Variants in RBM14 observed in about 807,000 individuals in gnomAD.
The protein encoded by RBM14 is RNA-binding protein 14.
In RBM14, 5 loss-of-function variants were observed where a neutral mutation model predicts 52.8. That is an observed-to-expected ratio of 0.09 (90% CI 0.05 to 0.20). The LOEUF (loss-of-function observed/expected upper bound fraction) is 0.20, where lower values mean the gene tolerates loss of function less well. Ranked by LOEUF, RBM14 falls within the 10% of genes least tolerant of loss-of-function variation. RBM14 has a pLI of 1.00. For missense variants in RBM14, 780 were observed against 926.6 expected, an observed-to-expected ratio of 0.84 and a Z score of 2.05; for synonymous variants, 411 against 401.8, an observed-to-expected ratio of 1.02 and a Z score of -0.28.
Position 66,628,493 on chromosome 11 carries a change from G to A in RBM14, c.*1825G>A, listed in dbSNP as rs977631562. ...TGCAAAAGCATTCGATCTTATGACC[G>A]TGAGTTCTTATTTGTGGATGCTAAC... On this transcript the variant is annotated 3_prime_UTR_variant, in exon 3 of 3. Coordinates refer to ENST00000310137, the MANE Select transcript of RBM14 (RefSeq NM_006328.4). Among the ~76,000 whole-genome samples the A allele has an allele frequency of 8.8e-5, 12 of 136,320 alleles. No individual in the cohort carries two copies. The highest frequency in any genetic ancestry group is 2.7e-4 in the South Asian group (1 of 3,640). 89.4% of individuals were successfully genotyped at this position (136,320 alleles called of 152,430 possible).
At position 66,616,694 on chromosome 11, in the gene RBM14, C is replaced by T. The variant is rs776738314; in HGVS notation, c.-27C>T. 2.5e-6 allele frequency: 4 copies of T among 1,574,316 alleles called. No homozygotes were observed. Among genetic ancestry groups the T allele is most frequent in the Non-Finnish European group, 2.6e-6 (3 of 1,154,382 alleles). On this transcript the variant is annotated 5_prime_UTR_variant, in exon 1 of 3. Coordinates refer to ENST00000310137, the MANE Select transcript of RBM14 (RefSeq NM_006328.4). ...TGTCGCTGGAGGAGAGGTCCGGGCT[C>T]TCCAGGAAGGTGGCTGCGGCGACAA...
chr11:66,624,910 C>T lies in RBM14; in HGVS notation c.1034C>T (p.Pro345Leu), dbSNP rs776636551. The part of the protein sequence containing the change: ...GSSLASYGNQ[P>L]SSYGAQAASS... ...TCCCTTGCCTCCTATGGTAACCAGC[C>T]ATCCTCTTACGGCGCCCAGGCTGCC... The change falls in exon 2 of 3, where the codon CCA (proline) becomes CTA (leucine). Residue 345 changes from proline (P) to leucine (L), a missense_variant. Pro to Leu is a moderately conservative substitution (Grantham distance 98, BLOSUM62 -3). Coordinates refer to ENST00000310137, the MANE Select transcript of RBM14 (RefSeq NM_006328.4). The surrounding 1 kb of genome is among the most constrained non-coding windows in gnomAD (Gnocchi z 4.7). The T allele has an allele frequency of 5.0e-6, 8 of 1,613,954 alleles. No homozygotes were observed. The East Asian group carries it at 1.8e-4, about 36-fold the overall frequency.
In RBM14 at chr11:66,624,658, A is replaced by G. The variant is rs770438746; in HGVS notation, c.782A>G (p.Tyr261Cys). Residue 261 changes from tyrosine (Y) to cysteine (C), a missense_variant, in exon 2 of 3, where the codon TAT (tyrosine) becomes TGT (cysteine). This residue lies in a region of RBM14 where 675 missense variants were observed against 697.3 expected (regional missense o/e 0.97). Coordinates refer to ENST00000310137, the MANE Select transcript of RBM14 (RefSeq NM_006328.4). The surrounding 1 kb of genome is among the most constrained non-coding windows in gnomAD (Gnocchi z 4.7). ...AQPSASLGVG[Y>C]RTQPMTAQAA... is the part of the protein sequence containing the mutation. ...CCTTCTGCCTCTTTGGGTGTTGGCT[A>G]TCGGACTCAGCCCATGACAGCCCAG... 2.1e-5 allele frequency: 34 copies of G among 1,613,344 alleles called. No individual in the cohort carries two copies. Among genetic ancestry groups the G allele is most frequent in the Middle Eastern group, 1.6e-4 (1 of 6,084 alleles).
Position 66,624,434 on chromosome 11 carries a change from C to G in RBM14, c.558C>G (p.Asp186Glu). ...CTGGTGGCTTCTCTGCCACCTTCGACTACCAGCAGGCTTTTGGCAACAGCA... is the reference window on the plus strand; with the variant it reads ...CTGGTGGCTTCTCTGCCACCTTCGAGTACCAGCAGGCTTTTGGCAACAGCA... The part of the protein sequence containing the change: ...PGTGGFSATF[D>E]YQQAFGNSTG... Residue 186 changes from aspartate (D) to glutamate (E), a missense_variant, in exon 2 of 3, where the codon GAC becomes GAG. By Grantham distance (45) the Asp-to-Glu change is conservative (BLOSUM62 2). Coordinates refer to ENST00000310137, the MANE Select transcript of RBM14 (RefSeq NM_006328.4). The surrounding 1 kb of genome is among the most constrained non-coding windows in gnomAD (Gnocchi z 4.7). 1 of 1,614,164 alleles carries G rather than the reference C, an allele frequency of 6.2e-7. No homozygotes were observed. Among genetic ancestry groups the G allele is most frequent in the Non-Finnish European group, 8.5e-7 (1 of 1,179,988 alleles).
intron 1 of RBM14, chr11:66,623,893 A>G (rs1214240646): frequency 1.4e-6 from 1 of 717,700 alleles, no homozygotes; most frequent in Admixed American, 2.0e-5. Flanking sequence ...GCTGGTTTGT[A>G]CTTACAGGAG....
rs1196260074 is a variant in RBM14 at position 66,624,842 on chromosome 11, A to G, written c.966A>G (p.Ala322=). The G allele has an allele frequency of 6.2e-7, 1 of 1,613,412 alleles. No individual in the cohort carries two copies. Among genetic ancestry groups the G allele is most frequent in the Non-Finnish European group, 8.5e-7 (1 of 1,179,850 alleles). Residue 322 remains alanine, a synonymous_variant, in exon 2 of 3, where the codon GCA becomes GCG. Transcript: ENST00000310137. The surrounding 1 kb of genome is among the most constrained non-coding windows in gnomAD (Gnocchi z 4.7). ...ASALSSYGGQ[A]AAASSLNSYG... ...CCCTTTCCTCCTATGGGGGTCAGGC[A>G]GCTGCAGCTTCTTCGCTCAACTCCT... is the stretch of plus-strand genomic sequence containing the variant.
rs763153126 is a variant in RBM14, at chr11:66,625,499, C to T, written c.1623C>T (p.Arg541=). The T allele has an allele frequency of 1.2e-5, 19 of 1,612,630 alleles. No individual in the cohort carries two copies. The highest frequency in any genetic ancestry group is 4.5e-5 in the East Asian group (2 of 44,852). The change falls in exon 2 of 3, where the codon CGC becomes CGT. Residue 541 remains arginine (R), a synonymous_variant. Coordinates refer to ENST00000310137, the MANE Select transcript of RBM14 (RefSeq NM_006328.4). The surrounding 1 kb of genome is among the most constrained non-coding windows in gnomAD (Gnocchi z 4.2). Reference sequence around the variant, plus strand: ...ATCCCCAGGCTGCTGCCTCCTACCGCGGCCAGCCAGGCAATGCCTACGATG... The same window carrying T: ...ATCCCCAGGCTGCTGCCTCCTACCGTGGCCAGCCAGGCAATGCCTACGATG... ...QQHPQAAASY[R]GQPGNAYDGA...
chr11:66,618,593 AAG>A (rs1372517613), intron 1 of RBM14: 148 of 717,162 alleles, frequency 2.1e-4, no homozygotes, highest in Non-Finnish European at 2.3e-5. Context: ...TTTAGAGTAA[AAG>A]AGTGGTGGGG....
rs1312163420 is a variant in RBM14, at chr11:66,624,445, C to G, written c.569C>G (p.Ala190Gly). 1 of 1,613,994 alleles carries G rather than the reference C, an allele frequency of 6.2e-7. No individual in the cohort carries two copies. The highest frequency in any genetic ancestry group is 1.7e-5 in the Admixed American group (1 of 60,004). ...GFSATFDYQQ[A>G]FGNSTGGFDG... ...TCTGCCACCTTCGACTACCAGCAGG[C>G]TTTTGGCAACAGCACTGGTGGCTTT... Residue 190 changes from alanine to glycine, a missense_variant, in exon 2 of 3, where the codon GCT becomes GGT. By Grantham distance (60) the Ala-to-Gly change is moderately conservative (BLOSUM62 0). Around this residue, in one of 4 missense-constraint regions of RBM14, gnomAD observed 675 missense variants for 697.3 expected, o/e 0.97. Coordinates refer to ENST00000310137, the MANE Select transcript of RBM14 (RefSeq NM_006328.4). The surrounding 1 kb of genome is among the most constrained non-coding windows in gnomAD (Gnocchi z 4.7).
rs769174131 is a variant in RBM14, at chr11:66,624,785, C to T, written c.909C>T (p.Gly303=). 4.3e-6 allele frequency: 7 copies of T among 1,613,992 alleles called. No homozygotes were observed. Among genetic ancestry groups the T allele is most frequent in the African/African-American group, 4.0e-5 (3 of 74,896 alleles). The part of the protein sequence containing the change: ...SSQSAAASSL[G]PYGGAQPSAS... Reference sequence around the variant, plus strand: ...AGTCTGCTGCAGCTTCTTCACTCGGCCCATATGGTGGAGCCCAGCCCTCAG... The same window carrying T: ...AGTCTGCTGCAGCTTCTTCACTCGGTCCATATGGTGGAGCCCAGCCCTCAG... The change falls in exon 2 of 3, where the codon GGC becomes GGT. Residue 303 remains glycine (G), a synonymous_variant. Transcript: ENST00000310137. The surrounding 1 kb of genome is among the most constrained non-coding windows in gnomAD (Gnocchi z 4.7).
At chr11:66,621,606 A>C (rs1036680156) in intron 1 of RBM14, among the ~76,000 whole-genome samples, 1 of 151,920 alleles carries the variant, frequency 6.6e-6, no homozygotes, top group Non-Finnish European at 1.5e-5. Context: ...TGAACTCCTG[A>C]CCTCAGGTGG....
chr11:66,623,934 C>T, intron 1 of RBM14: 1 of 719,836 alleles, frequency 1.4e-6, no homozygotes, highest in South Asian at 1.5e-5. Flanking sequence ...TGTTGCAGTT[C>T]ATCTTTGCTC....
intron 1 of RBM14, chr11:66,623,947 T>C (rs771309414): frequency 1.7e-4 from 125 of 723,408 alleles, no homozygotes; most frequent in East Asian, 9.6e-4. Context: ...CTTTGCTCCT[T>C]CTTCTCTCAC....
rs756939247 is a variant in RBM14, at chr11:66,625,659, G to C, written c.1783G>C (p.Ala595Pro). 1 of 1,611,304 alleles carries C rather than the reference G, an allele frequency of 6.2e-7. No homozygotes were observed. The change falls in exon 2 of 3, where the codon GCT (alanine) becomes CCT (proline). Residue 595 changes from alanine to proline, a missense_variant. Around this residue, in one of 4 missense-constraint regions of RBM14, gnomAD observed 675 missense variants for 697.3 expected, o/e 0.97. Transcript: ENST00000310137. This position sits in a 1 kb window ranked among gnomAD's most constrained non-coding sequence, Gnocchi z 4.2. ...CAGCTACGACGATCCCTACAAAAAG[G>C]CTGTCGCCATGTCGAAAAGGTACTG... ...RASYDDPYKK[A>P]VAMSKRYGSD...
intron 1 of RBM14, among the ~76,000 whole-genome samples, chr11:66,623,493 T>A (rs1157043003): frequency 6.6e-6 from 1 of 152,204 alleles, no homozygotes; most frequent in African/African-American, 2.4e-5. Context: ...TAACACACTT[T>A]GAGTGGGGCA....
chr11:66,626,362 G>A, intron 2 of RBM14, 99 bp from the exon 3 acceptor site: 1 of 1,210,864 alleles, frequency 8.3e-7, no homozygotes. Flanking sequence ...AGACCACTGT[G>A]ATCACACCCT....
chr11:66,622,084 T>G (rs1200622098), intron 1 of RBM14, among the ~76,000 whole-genome samples: 1 of 151,742 alleles, frequency 6.6e-6, no homozygotes, highest in Non-Finnish European at 1.5e-5. Context: ...CCCTGGTAAT[T>G]TTTGTATTTT....
chr11:66,624,561 C>A lies in RBM14; in HGVS notation c.685C>A (p.Pro229Thr). The change falls in exon 2 of 3, where the codon CCT becomes ACT. Residue 229 changes from proline to threonine, a missense_variant. Pro to Thr is a conservative substitution (Grantham distance 38, BLOSUM62 -1). This residue lies in a region of RBM14 where 675 missense variants were observed against 697.3 expected (regional missense o/e 0.97). Coordinates refer to ENST00000310137, the MANE Select transcript of RBM14 (RefSeq NM_006328.4). The surrounding 1 kb of genome is among the most constrained non-coding windows in gnomAD (Gnocchi z 4.7). The stretch of plus-strand genomic sequence containing the variant: ...ACCTCCCCGAGCCTCTTATGTGGCT[C>A]CTCTGACGGCCCAGCCAGCTACCTA... ...RSPPRASYVA[P>T]LTAQPATYRA... 1.2e-6 allele frequency: 2 copies of A among 1,612,734 alleles called. No homozygotes were observed. The highest frequency in any genetic ancestry group is 1.7e-6 in the Non-Finnish European group (2 of 1,180,016).
chr11:66,617,373 C>G, intron 1 of RBM14: 1 of 1,185,928 alleles, frequency 8.4e-7, no homozygotes, highest in Admixed American at 4.2e-5. Context: ...CTGGGCCTGG[C>G]ACCCAGCGGA....
Sources: gnomAD v4.1 joint callset for allele counts (sites outside exome capture counted in the v4.1 genomes callset) on GRCh38, gnomAD v4.1.1 for gene constraint, gnomAD v4.1.1 regional missense constraint, Gnocchi (gnomAD v3.1) non-coding constraint, MANE v1.5 for transcripts, NCBI Gene and HGNC (gene_info 2026-07-23, HGNC 2026-07-21) for gene names.